TEX264: variants seen among roughly 807,000 people sequenced by gnomAD.
TEX264 encodes testis-expressed protein 264.
TEX264 carries 13 observed loss-of-function variants against 23.4 expected under a neutral mutation model. That is an observed-to-expected ratio of 0.56 (90% CI 0.36 to 0.88). TEX264 has a LOEUF of 0.88. Among genes scored for constraint, TEX264 ranks in the 40% least tolerant of loss-of-function variants. The pLI, the probability that TEX264 is intolerant of heterozygous loss-of-function variation, is 0.01. For missense variants in TEX264, 340 were observed against 406.8 expected, an observed-to-expected ratio of 0.84 and a Z score of 1.41; for synonymous variants, 159 against 170.0, an observed-to-expected ratio of 0.94 and a Z score of 0.50.
chr3:51,684,327 C>A, intron 2 of TEX264, 86 bp from the exon 3 acceptor site: 2 of 1,248,410 alleles, frequency 1.6e-6, no homozygotes, highest in South Asian at 1.3e-5. Context: ...TTCTTTTAGG[C>A]CTGATCTGGC....
chr3:51,693,661 G>T (rs1240553504), intron 3 of TEX264, among the ~76,000 whole-genome samples: 1 of 151,954 alleles, frequency 6.6e-6, no homozygotes, highest in African/African-American at 2.4e-5. Context: ...TGTATTTTTA[G>T]TAGAGATGGG....
At chr3:51,699,712 A>T in intron 4 of TEX264, 138 bp downstream of exon 4, 1 of 953,908 alleles carries the variant, frequency 1.0e-6, no homozygotes, top group Non-Finnish European at 1.6e-6. Context: ...GGGAGGAAGG[A>T]GACCCACCTA....
chr3:51,694,089 T>TCCG (rs1559680834), intron 3 of TEX264, among the ~76,000 whole-genome samples: 17 of 48,016 alleles, frequency 3.5e-4, no homozygotes, highest in African/African-American at 1.2e-3. Context: ...CCGTCCGTCC[T>TCCG]TCCTTCCTTC....
At chr3:51,690,171 C>T (rs1481180371) in intron 3 of TEX264, among the ~76,000 whole-genome samples, 4 of 152,164 alleles carry the variant, frequency 2.6e-5, no homozygotes, top group Admixed American at 6.5e-5. Context: ...GGGAGTCAGT[C>T]GGTGGGTCTG....
intron 3 of TEX264, among the ~76,000 whole-genome samples, chr3:51,688,660 C>T (rs1702713544): frequency 1.3e-5 from 2 of 152,162 alleles, no homozygotes; most frequent in African/African-American, 4.8e-5. Context: ...GGCTGATTGG[C>T]TGGGGAGTGC....
Position 51,704,102 on chromosome 3 carries a change from T to C in TEX264, c.*86T>C. On this transcript the variant is annotated 3_prime_UTR_variant, in exon 5 of 5. Transcript: ENST00000341333. ...ACTCTCCAGCCCTCTTCCTCCTTCC[T>C]CTGGGGGAGGAGGGGTTCCTGAGGG... 8.2e-7 allele frequency: 1 copy of C among 1,217,202 alleles called. No homozygotes were observed. Among genetic ancestry groups the C allele is most frequent in the Non-Finnish European group, 1.1e-6 (1 of 947,094 alleles). The allele number at this position is 1,217,202 out of a possible 1,614,324, so 75.4% of individuals were successfully genotyped here.
intron 4 of TEX264, among the ~76,000 whole-genome samples, chr3:51,702,776 G>T (rs1280439522): frequency 6.6e-6 from 1 of 152,212 alleles, no homozygotes; most frequent in Non-Finnish European, 1.5e-5. Flanking sequence ...TGCATTCAGT[G>T]CCTCTGATCC....
In TEX264 at chr3:51,682,514, G is replaced by C. The variant is rs549707539; in HGVS notation, c.259-1899G>C. On this transcript the variant is annotated intron_variant, in intron 2 of 4. Transcript: ENST00000341333. The stretch of plus-strand genomic sequence containing the variant: ...TGCATATTCAGAGGTTTGGGTGGTC[G>C]GGCATTCTAGGCCATGGACAGTTGT... The C allele has an allele frequency of 3.3e-5, 5 of 152,344 alleles. No homozygotes were observed. The South Asian group carries it at 1.0e-3, about 32-fold the overall frequency. 9.4% of individuals were successfully genotyped at this position (152,344 alleles called of 1,614,324 possible). A position where few individuals can be genotyped will look rare whatever the true frequency, so the allele number is the denominator to read the frequency against.
At chr3:51,673,347 C>G (rs1213094267) in intron 1 of TEX264, among the ~76,000 whole-genome samples, 1 of 152,160 alleles carries the variant, frequency 6.6e-6, no homozygotes, top group African/African-American at 2.4e-5. Context: ...GCCTCTGGCC[C>G]CAAGCTGCCT....
rs1399255899 is a variant in TEX264, at chr3:51,703,617, C to T, written c.650-107C>T. The stretch of plus-strand genomic sequence containing the variant: ...GGCAGCTGGAGCAAGCCCCCTGAGC[C>T]CGGGAGGCTGCATTATTCATGAGTG... On this transcript the variant is annotated intron_variant, in intron 4 of 4. Coordinates refer to ENST00000341333, the MANE Select transcript of TEX264 (RefSeq NM_015926.6). This position sits in a 1 kb window ranked among gnomAD's most constrained non-coding sequence, Gnocchi z 4.8. 2.5e-6 allele frequency: 3 copies of T among 1,211,566 alleles called. No individual in the cohort carries two copies. The highest frequency in any genetic ancestry group is 3.4e-6 in the Non-Finnish European group (3 of 872,782). The allele number at this position is 1,211,566 out of a possible 1,614,324, so 75.1% of individuals were successfully genotyped here.
rs760505589 is a variant in TEX264, at chr3:51,699,587, G to T, written c.649+13G>T. On this transcript the variant is annotated intron_variant, in intron 4 of 4. Transcript: ENST00000341333. ...GTGGATGGCACAGGTACAGAAGGTG[G>T]GGTATGAGGATGGGGCCCTCCTGGA... The T allele has an allele frequency of 8.1e-6, 13 of 1,612,878 alleles. No homozygotes were observed. Among genetic ancestry groups the T allele is most frequent in the South Asian group, 1.1e-5 (1 of 91,042 alleles).
chr3:51,697,562 G>T (rs539485748), intron 3 of TEX264, among the ~76,000 whole-genome samples: 2 of 152,352 alleles, frequency 1.3e-5, no homozygotes, highest in South Asian at 4.1e-4. Context: ...TAGATTCAGG[G>T]ATCCTTTTCT....
intron 4 of TEX264, among the ~76,000 whole-genome samples, chr3:51,701,360 C>T (rs1703297920): frequency 6.6e-6 from 1 of 151,208 alleles, no homozygotes; most frequent in Non-Finnish European, 1.5e-5. Flanking sequence ...CTGGCTCTAT[C>T]GCCCAGGCTG....
At chr3:51,687,678 C>T (rs1702672335) in intron 3 of TEX264, among the ~76,000 whole-genome samples, 2 of 151,992 alleles carry the variant, frequency 1.3e-5, no homozygotes, top group African/African-American at 4.8e-5. Context: ...CCAGGAGTTG[C>T]GGGGGGAGGA....
intron 2 of TEX264, 150 bp downstream of exon 2, chr3:51,674,712 C>T: frequency 1.1e-6 from 1 of 950,200 alleles, no homozygotes; most frequent in Non-Finnish European, 1.5e-6. Flanking sequence ...AAGCACCTTC[C>T]AGATTTAGCC....
chr3:51,698,886 A>G (rs1703171570), intron 3 of TEX264, among the ~76,000 whole-genome samples: 1 of 152,148 alleles, frequency 6.6e-6, no homozygotes, highest in Admixed American at 6.5e-5. Flanking sequence ...CATGTCTGCA[A>G]GAGCAGGGGC....
Position 51,691,903 on chromosome 3 carries a change from C to T in TEX264, c.480+7269C>T, listed in dbSNP as rs992182621. Among the ~76,000 whole-genome samples the T allele has an allele frequency of 5.3e-5, 8 of 152,262 alleles. No homozygotes were observed. Among genetic ancestry groups the T allele is most frequent in the Non-Finnish European group, 1.0e-4 (7 of 68,048 alleles). Reference sequence around the variant, plus strand: ...AAGAGGCGATCCTCCCACCATACCACGGCTTGGCTTCCCCGGCTCCCCTTA... The same window carrying T: ...AAGAGGCGATCCTCCCACCATACCATGGCTTGGCTTCCCCGGCTCCCCTTA... On this transcript the variant is annotated intron_variant, in intron 3 of 4. Transcript: ENST00000341333. This position sits in a 1 kb window ranked among gnomAD's most constrained non-coding sequence, Gnocchi z 4.4.
Position 51,704,260 on chromosome 3 carries a change from T to A in TEX264, c.*244T>A. Reference sequence around the variant, plus strand: ...CTGCCACCCCTGTTGTGTCTTTTTTTCAGACTCACAGTGGAGCTTCCAGGA... The same window carrying A: ...CTGCCACCCCTGTTGTGTCTTTTTTACAGACTCACAGTGGAGCTTCCAGGA... On this transcript the variant is annotated 3_prime_UTR_variant, in exon 5 of 5. Coordinates refer to ENST00000341333, the MANE Select transcript of TEX264 (RefSeq NM_015926.6). 1 of 373,134 alleles carries A rather than the reference T, an allele frequency of 2.7e-6. No homozygotes were observed. The highest frequency in any genetic ancestry group is 4.8e-6 in the Non-Finnish European group (1 of 209,956). 23.1% of individuals were successfully genotyped at this position (373,134 alleles called of 1,614,324 possible).
intron 2 of TEX264, chr3:51,682,801 C>T (rs760946982): frequency 2.0e-5 from 3 of 152,212 alleles, no homozygotes; most frequent in Non-Finnish European, 4.4e-5. Context: ...GTTTGGATGC[C>T]GTAGGCTTCA....
Sources: allele counts gnomAD v4.1 joint callset (sites outside exome capture counted in the v4.1 genomes callset), GRCh38; gene constraint gnomAD v4.1.1; non-coding constraint Gnocchi (gnomAD v3.1); transcripts MANE v1.5; gene names NCBI Gene and HGNC (gene_info 2026-07-23, HGNC 2026-07-21).